NCAM2: variants seen among roughly 807,000 people sequenced by gnomAD.
NCAM2 encodes the protein neural cell adhesion molecule 2.
NCAM2 carries 30 observed loss-of-function variants against 98.1 expected under a neutral mutation model. The observed-to-expected ratio is 0.31, with a 90% CI of 0.23 to 0.41. NCAM2 has a LOEUF of 0.41. NCAM2 is among the 10% of genes least tolerant of loss of function. The pLI is 1.00. For missense variants in NCAM2, 867 were observed against 1,005.8 expected (o/e 0.86, Z 1.87); for synonymous variants, 368 against 342.4 (o/e 1.07, Z -0.83).
intron 11 of NCAM2, among the ~76,000 whole-genome samples, chr21:21,424,965 G>A (rs1272108128): frequency 6.8e-6 from 1 of 146,698 alleles, no homozygotes; most frequent in African/African-American, 2.5e-5. Context: ...GAATCCAGGA[G>A]GCGGAAGTTG....
chr21:21,518,472 T>G (rs990981048), intron 16 of NCAM2, among the ~76,000 whole-genome samples: 1 of 152,112 alleles, frequency 6.6e-6, no homozygotes, highest in African/African-American at 2.4e-5. Flanking sequence ...TTTTTTGCTT[T>G]CTTCGTCATT....
At chr21:21,297,320 A>G (rs191761777) in intron 5 of NCAM2, among the ~76,000 whole-genome samples, 73 of 151,812 alleles carry the variant, frequency 4.8e-4, no homozygotes, top group African/African-American at 1.6e-3. Context: ...CCCTCACCGA[A>G]CAAACATTGA....
chr21:21,020,753 A>G (rs2064417048), intron 1 of NCAM2, among the ~76,000 whole-genome samples: 1 of 152,182 alleles, frequency 6.6e-6, no homozygotes, highest in Non-Finnish European at 1.5e-5. Context: ...CTTCTAATGT[A>G]TTCATCCTAT....
intron 15 of NCAM2, among the ~76,000 whole-genome samples, chr21:21,484,606 T>A (rs1358670597): frequency 6.6e-6 from 1 of 151,778 alleles, no homozygotes; most frequent in African/African-American, 2.4e-5. Context: ...GCCCTGAAAA[T>A]TAAAAAAAAA....
intron 1 of NCAM2, among the ~76,000 whole-genome samples, chr21:21,052,150 A>ATTTTTTTTTTTTTTT (rs5842877): frequency 2.5e-4 from 19 of 74,806 alleles, no homozygotes; most frequent in African/African-American, 1.1e-3. Flanking sequence ...CATGATGGCC[A>ATTTTTTTTTTTTTTT]TTTTTTTTTT....
At position 21,394,469 on chromosome 21, in the gene NCAM2, C is replaced by CTTTTTTTTTTTTTT. The variant is rs532068473; in HGVS notation, c.1196-15781_1196-15768dup. ...GACCTTAGTTAATTTAAGGGGCCAG[C>CTTTTTTTTTTTTTT]TTTTTTTTTTTTTTTTTTTTTTTTT... On this transcript the variant is annotated intron_variant, in intron 9 of 17. Coordinates refer to ENST00000400546, the MANE Select transcript of NCAM2 (RefSeq NM_004540.5). Among the ~76,000 whole-genome samples, 58 of 57,668 alleles carry CTTTTTTTTTTTTTT rather than the reference C, an allele frequency of 1.0e-3. 9 individuals are homozygous for CTTTTTTTTTTTTTT. The highest frequency in any genetic ancestry group is 1.6e-3 in the South Asian group (2 of 1,264). The allele number at this position is 57,668 out of a possible 152,430, so 37.8% of individuals were successfully genotyped here.
chr21:21,432,573 T>C (rs1474350745), intron 12 of NCAM2, among the ~76,000 whole-genome samples: 2 of 151,030 alleles, frequency 1.3e-5, no homozygotes, highest in Admixed American at 6.7e-5. Flanking sequence ...ATACTAGATA[T>C]GATGGCTGGA....
chr21:21,473,300 G>GTA (rs143852270), intron 14 of NCAM2, among the ~76,000 whole-genome samples: 61,519 of 142,866 alleles, frequency 0.43, 13,973 homozygotes, highest in Non-Finnish European at 0.51. Flanking sequence ...TGGTCTATCT[G>GTA]TATATATATA....
intron 1 of NCAM2, among the ~76,000 whole-genome samples, chr21:21,094,088 A>C (rs1023636083): frequency 6.6e-6 from 1 of 151,994 alleles, no homozygotes; most frequent in African/African-American, 2.4e-5. Flanking sequence ...ATTTTGACAC[A>C]AATTGTGTAC....
intron 9 of NCAM2, among the ~76,000 whole-genome samples, chr21:21,377,797 G>T (rs2076066260): frequency 6.6e-6 from 1 of 151,764 alleles, no homozygotes; most frequent in South Asian, 2.1e-4. Context: ...CTGTCTATCT[G>T]CCTGTCTACC....
intron 12 of NCAM2, among the ~76,000 whole-genome samples, chr21:21,460,814 T>A (rs1982865744): frequency 6.6e-6 from 1 of 151,578 alleles, no homozygotes; most frequent in Non-Finnish European, 1.5e-5. Context: ...CTGAGAAAAA[T>A]TATATAGAGA....
chr21:21,280,981 G>A, intron 2 of NCAM2, among the ~76,000 whole-genome samples: 1 of 151,906 alleles, frequency 6.6e-6, no homozygotes, highest in East Asian at 1.9e-4. Context: ...AGTAGAGACG[G>A]GGTTTCACCA....
At chr21:21,510,990 C>A (rs770458306) in intron 16 of NCAM2, among the ~76,000 whole-genome samples, 13 of 151,938 alleles carry the variant, frequency 8.6e-5, no homozygotes, top group Admixed American at 3.3e-4. Context: ...CTGTTTTGTA[C>A]TTTACATAAA....
intron 9 of NCAM2, among the ~76,000 whole-genome samples, chr21:21,402,021 C>G (rs551150870): frequency 6.6e-6 from 1 of 152,254 alleles, no homozygotes; most frequent in Non-Finnish European, 1.5e-5. Context: ...TAAGTCACCT[C>G]AGGACCCTGT....
intron 16 of NCAM2, among the ~76,000 whole-genome samples, chr21:21,519,004 C>A (rs1025225698): frequency 1.3e-5 from 2 of 152,050 alleles, no homozygotes; most frequent in African/African-American, 4.8e-5. Flanking sequence ...GGTAATACAA[C>A]AATCAAGGGA....
intron 1 of NCAM2, among the ~76,000 whole-genome samples, chr21:21,052,150 A>ATTTTTTTTTTTTTTTTT (rs5842877): frequency 1.5e-4 from 11 of 74,808 alleles, no homozygotes; most frequent in African/African-American, 5.2e-4. Flanking sequence ...CATGATGGCC[A>ATTTTTTTTTTTTTTTTT]TTTTTTTTTT....
rs149965420 is a variant in NCAM2 at position 21,154,777 on chromosome 21, A to G, written c.56-125801A>G. On this transcript the variant is annotated intron_variant, in intron 1 of 17. Coordinates refer to ENST00000400546, the MANE Select transcript of NCAM2 (RefSeq NM_004540.5). ...ATGCATGTGTAGGATACTCTGAGTT[A>G]CAAATTGTCTTAAATACCATTAGAA... Among the ~76,000 whole-genome samples the G allele has an allele frequency of 1.2e-3, 187 of 152,016 alleles. 1 individual carries two copies. The highest frequency in any genetic ancestry group is 4.2e-3 in the African/African-American group (174 of 41,548).
In NCAM2 at chr21:21,176,645, C is replaced by G. The variant is rs138225089; in HGVS notation, c.56-103933C>G. Among the ~76,000 whole-genome samples, 6 of 151,914 alleles carry G rather than the reference C, an allele frequency of 3.9e-5. No individual in the cohort carries two copies. In the East Asian group the frequency reaches 1.2e-3, roughly 29 times the overall value. On this transcript the variant is annotated intron_variant, in intron 1 of 17. Transcript: ENST00000400546. ...GGGAGAAATTAATAACATTTTAAGA[C>G]AGTTTTTAAGTCAGAATATTTTAAA...
rs182819088 is a variant in NCAM2, at chr21:21,234,873, C to G, written c.56-45705C>G. ...TGATGAATAAATTGTTCAGTAGATTCTTTTTCAATTCAAGTAGATATTTAG... is the reference window on the plus strand; with the variant it reads ...TGATGAATAAATTGTTCAGTAGATTGTTTTTCAATTCAAGTAGATATTTAG... On this transcript the variant is annotated intron_variant, in intron 1 of 17. Transcript: ENST00000400546. 6.6e-5 allele frequency among the ~76,000 whole-genome samples: 10 copies of G among 152,102 alleles called. 1 individual carries two copies. Among genetic ancestry groups the G allele is most frequent in the Admixed American group, 3.9e-4 (6 of 15,230 alleles).
Sources: gnomAD v4.1 joint callset for allele counts (sites outside exome capture counted in the v4.1 genomes callset) on GRCh38, gnomAD v4.1.1 for gene constraint, MANE v1.5 for transcripts, NCBI Gene and HGNC (gene_info 2026-07-23, HGNC 2026-07-21) for gene names.